The following INO80 variants were observed in gnomAD, a reference collection of about 807,000 sequenced individuals.
The protein encoded by INO80 is INO80 complex ATPase subunit, also known as chromatin-remodeling ATPase INO80.
In INO80, 20 loss-of-function variants were observed where a neutral mutation model predicts 203.4. The observed-to-expected ratio is 0.10, with a 90% CI of 0.07 to 0.14. The LOEUF (loss-of-function observed/expected upper bound fraction) is 0.14, where lower values mean the gene tolerates loss of function less well. Ranked by LOEUF, INO80 falls within the 10% of genes least tolerant of loss-of-function variation. The pLI is 1.00. For missense variants in INO80, 1,419 were observed against 1,914.4 expected (o/e 0.74, Z 4.83); for synonymous variants, 726 against 685.2 (o/e 1.06, Z -0.93).
intron 11 of INO80, 38 bp downstream of exon 11, chr15:41,073,390 G>A (rs2045354745): frequency 6.5e-7 from 1 of 1,547,382 alleles, no homozygotes; most frequent in Admixed American, 1.7e-5. Flanking sequence ...GGTATTTCCA[G>A]GGCCAATTAC....
chr15:41,014,990 A>G (rs1466654780), intron 27 of INO80, among the ~76,000 whole-genome samples: 1 of 152,202 alleles, frequency 6.6e-6, no homozygotes, highest in Non-Finnish European at 1.5e-5. Context: ...ACATTTATGT[A>G]CTTCTGACAA....
At chr15:41,093,912 T>C (rs1005934231) in intron 4 of INO80, among the ~76,000 whole-genome samples, 1 of 152,174 alleles carries the variant, frequency 6.6e-6, no homozygotes, top group African/African-American at 2.4e-5. Flanking sequence ...TATAACTCAA[T>C]TTTTCAAAAT....
chr15:41,061,231 G>C (rs1297600681), intron 14 of INO80, among the ~76,000 whole-genome samples: 1 of 151,994 alleles, frequency 6.6e-6, no homozygotes, highest in African/African-American at 2.4e-5. Flanking sequence ...TTGAGCCTGG[G>C]AGAGGTTGCA....
intron 24 of INO80, among the ~76,000 whole-genome samples, chr15:41,028,532 TTCTA>T (rs1315089183): frequency 2.0e-5 from 3 of 152,256 alleles, no homozygotes; most frequent in Non-Finnish European, 4.4e-5. Context: ...TAACAGGAAA[TTCTA>T]TCTCTTTAGT....
At position 41,015,971 on chromosome 15, in the gene INO80, A is replaced by G. The variant is rs113653444; in HGVS notation, c.3402+117T>C. 14 of 828,268 alleles carry G rather than the reference A, an allele frequency of 1.7e-5. 1 individual carries two copies. The African/African-American group carries it at 1.9e-4, about 11-fold the overall frequency. 51.3% of individuals were successfully genotyped at this position (828,268 alleles called of 1,614,324 possible). A position where few individuals can be genotyped will look rare whatever the true frequency, so the allele number is the denominator to read the frequency against. On this transcript the variant is annotated intron_variant, in intron 27 of 35. Coordinates refer to ENST00000648947, the MANE Select transcript of INO80 (RefSeq NM_017553.3). ...AAAAAAAAAAAAAAGGAAAAAGAAA[A>G]AAGACAAAAGGGAGTTTTGGGGCTC...
intron 27 of INO80, among the ~76,000 whole-genome samples, chr15:41,008,247 AC>A (rs1566908724): frequency 2.6e-5 from 4 of 151,992 alleles, no homozygotes; most frequent in African/African-American, 9.7e-5. Context: ...ACACACACAC[AC>A]ACACACGAAT....
chr15:41,007,285 C>T (rs1374587515), intron 27 of INO80, among the ~76,000 whole-genome samples: 3 of 149,590 alleles, frequency 2.0e-5, no homozygotes, highest in East Asian at 2.0e-4. Flanking sequence ...CAGGTTCAAG[C>T]GATTCTCCTG....
chr15:41,000,619 T>C (rs370286537), intron 28 of INO80, among the ~76,000 whole-genome samples: 124 of 144,498 alleles, frequency 8.6e-4, no homozygotes, highest in African/African-American at 3.2e-3. Flanking sequence ...CACTAGAGCC[T>C]GGGAGGTCAA....
intron 14 of INO80, among the ~76,000 whole-genome samples, chr15:41,068,939 C>A (rs977728056): frequency 1.3e-5 from 2 of 151,864 alleles, no homozygotes; most frequent in African/African-American, 4.8e-5. Context: ...AAGAGAAATG[C>A]CGTAAATGAT....
intron 9 of INO80, among the ~76,000 whole-genome samples, chr15:41,076,158 C>T (rs1341683398): frequency 6.6e-6 from 1 of 151,974 alleles, no homozygotes; most frequent in Non-Finnish European, 1.5e-5. Flanking sequence ...GTCAGGAGTT[C>T]GAGATCAGCC....
chr15:41,069,198 G>A (rs951578453), intron 14 of INO80, among the ~76,000 whole-genome samples: 1 of 151,976 alleles, frequency 6.6e-6, no homozygotes, highest in Non-Finnish European at 1.5e-5. Context: ...GCACATTCTC[G>A]GCTTGCTACA....
chr15:41,097,091 GT>G (rs1362612608), intron 1 of INO80, among the ~76,000 whole-genome samples: 1 of 151,694 alleles, frequency 6.6e-6, no homozygotes, highest in African/African-American at 2.4e-5. Flanking sequence ...CCACTTTCTT[GT>G]TTGTTTTTGT....
At chr15:41,068,004 T>C (rs762796848) in intron 14 of INO80, among the ~76,000 whole-genome samples, 1 of 152,202 alleles carries the variant, frequency 6.6e-6, no homozygotes, top group East Asian at 1.9e-4. Flanking sequence ...GCCAAATACT[T>C]CCCTGATCAC....
chr15:41,116,035 C>T lies in INO80; in HGVS notation c.-106G>A, dbSNP rs968213610. ...AGGGGGGGCGGGGTGCGGGCGGGGT[C>T]CGGAGGGGGGGGTCGCCCCGCCGAC... On this transcript the variant is annotated 5_prime_UTR_variant, in exon 1 of 36. Transcript: ENST00000648947. The T allele has an allele frequency of 2.5e-6, 1 of 392,682 alleles. No homozygotes were observed. The highest frequency in any genetic ancestry group is 4.5e-6 in the Non-Finnish European group (1 of 222,804). 24.3% of individuals were successfully genotyped at this position (392,682 alleles called of 1,614,324 possible). A position where few individuals can be genotyped will look rare whatever the true frequency, so the allele number is the denominator to read the frequency against.
At chr15:40,998,178 C>A (rs534875235) in intron 28 of INO80, among the ~76,000 whole-genome samples, 1 of 152,072 alleles carries the variant, frequency 6.6e-6, no homozygotes, top group South Asian at 2.1e-4. Flanking sequence ...CTCGCCACCA[C>A]ACCTGCCTAA....
At chr15:41,097,499 A>AT (rs1369541252) in intron 1 of INO80, among the ~76,000 whole-genome samples, 1 of 151,894 alleles carries the variant, frequency 6.6e-6, no homozygotes, top group East Asian at 1.9e-4. Context: ...TATTGTTATG[A>AT]TTTTTTTCAG....
intron 16 of INO80, among the ~76,000 whole-genome samples, chr15:41,056,990 T>C (rs937869103): frequency 4.3e-4 from 66 of 152,248 alleles, no homozygotes; most frequent in African/African-American, 1.5e-3. Context: ...TCTTCTATTA[T>C]CTTTAGTCAT....
At chr15:41,032,176 C>T (rs2044498014) in intron 24 of INO80, among the ~76,000 whole-genome samples, 1 of 152,126 alleles carries the variant, frequency 6.6e-6, no homozygotes, top group Non-Finnish European at 1.5e-5. Context: ...AGAGGTCATG[C>T]TTTGTACTAC....
chr15:41,095,963 G>C lies in INO80; in HGVS notation c.144-35C>G, dbSNP rs191452659. On this transcript the variant is annotated intron_variant, in intron 2 of 35. Coordinates refer to ENST00000648947, the MANE Select transcript of INO80 (RefSeq NM_017553.3). ...GAAGAATGAGTCCACAATTACAGCT[G>C]ACCCAATAAAATATAATTTAAAGTT... 519 of 1,577,802 alleles carry C rather than the reference G, an allele frequency of 3.3e-4. 2 individuals are homozygous for C. The African/African-American group carries it at 6.1e-3, about 19-fold the overall frequency.
Sources: gnomAD v4.1 joint callset for allele counts (sites outside exome capture counted in the v4.1 genomes callset) on GRCh38, gnomAD v4.1.1 for gene constraint, MANE v1.5 for transcripts, NCBI Gene and HGNC (gene_info 2026-07-23, HGNC 2026-07-21) for gene names.